Variants in ZBTB20 observed in about 807,000 individuals in gnomAD.
ZBTB20 encodes the protein zinc finger and BTB domain containing 20.
In ZBTB20, 9 loss-of-function variants were observed where a neutral mutation model predicts 56.9. That is an observed-to-expected ratio of 0.16 (90% CI 0.10 to 0.28). The LOEUF (loss-of-function observed/expected upper bound fraction) is 0.28, where lower values mean the gene tolerates loss of function less well. Ranked by LOEUF, ZBTB20 falls within the 10% of genes least tolerant of loss-of-function variation. The pLI is 1.00. For missense variants in ZBTB20, 655 were observed against 1,003.0 expected, an observed-to-expected ratio of 0.65 and a Z score of 4.69; for synonymous variants, 417 against 420.7, an observed-to-expected ratio of 0.99 and a Z score of 0.11.
intron 5 of ZBTB20, among the ~76,000 whole-genome samples, chr3:114,748,746 C>G (rs1293215212): frequency 6.6e-6 from 1 of 151,982 alleles, no homozygotes; most frequent in Non-Finnish European, 1.5e-5. Context: ...ATTAGATATC[C>G]CTATTCTGAT....
chr3:115,064,859 G>A (rs370678564), intron 2 of ZBTB20, among the ~76,000 whole-genome samples: 26 of 152,058 alleles, frequency 1.7e-4, no homozygotes, highest in African/African-American at 5.5e-4. Flanking sequence ...TATTTCTCTC[G>A]GGAACTTTCT....
chr3:115,052,596 G>T (rs1361823836), intron 2 of ZBTB20, among the ~76,000 whole-genome samples: 5 of 152,048 alleles, frequency 3.3e-5, no homozygotes, highest in Non-Finnish European at 7.4e-5. Context: ...TTAACTAAAA[G>T]ACAAATATCT....
intron 7 of ZBTB20, among the ~76,000 whole-genome samples, chr3:114,496,717 A>G (rs1018155971): frequency 5.9e-5 from 9 of 152,108 alleles, no homozygotes; most frequent in Admixed American, 2.6e-4. Context: ...AATTGTTTCA[A>G]CACCCGGCTG....
At chr3:114,905,768 C>G (rs1335782708) in intron 3 of ZBTB20, among the ~76,000 whole-genome samples, 1 of 151,844 alleles carries the variant, frequency 6.6e-6, no homozygotes, top group Non-Finnish European at 1.5e-5. Flanking sequence ...ATTTGAGTCT[C>G]AAATGTTAAC....
intron 1 of ZBTB20, among the ~76,000 whole-genome samples, chr3:115,104,163 G>A (rs1055823100): frequency 6.6e-6 from 1 of 152,178 alleles, no homozygotes; most frequent in Non-Finnish European, 1.5e-5. Context: ...CACCACACAT[G>A]TAATAGAATG....
At chr3:114,670,254 C>G (rs1264015476) in intron 6 of ZBTB20, among the ~76,000 whole-genome samples, 1 of 151,892 alleles carries the variant, frequency 6.6e-6, no homozygotes, top group Non-Finnish European at 1.5e-5. Flanking sequence ...GAGGGCTTCG[C>G]AAAAGTTGAC....
chr3:114,726,257 G>A (rs1385050373), intron 5 of ZBTB20, among the ~76,000 whole-genome samples: 3 of 151,970 alleles, frequency 2.0e-5, no homozygotes, highest in Admixed American at 6.6e-5. Flanking sequence ...ATGAATCGCA[G>A]GTCAAAGTTA....
chr3:114,881,137 A>G (rs2076384327), intron 4 of ZBTB20, among the ~76,000 whole-genome samples: 1 of 152,114 alleles, frequency 6.6e-6, no homozygotes, highest in Non-Finnish European at 1.5e-5. Flanking sequence ...TAAATATAAT[A>G]GATGTTAAAC....
At chr3:114,832,617 T>C (rs2073912857) in intron 4 of ZBTB20, among the ~76,000 whole-genome samples, 1 of 152,100 alleles carries the variant, frequency 6.6e-6, no homozygotes, top group South Asian at 2.1e-4. Flanking sequence ...TCCTTGTAAA[T>C]CTAAAAGCTA....
intron 6 of ZBTB20, among the ~76,000 whole-genome samples, chr3:114,649,346 T>A (rs1274261): frequency 0.33 from 50,740 of 151,792 alleles, 11,191 homozygotes; most frequent in African/African-American, 0.62. Flanking sequence ...TGAGAAGCTG[T>A]TTACACACAA....
At chr3:114,450,437 TTC>T (rs2091534744) in intron 7 of ZBTB20, among the ~76,000 whole-genome samples, 1 of 152,184 alleles carries the variant, frequency 6.6e-6, no homozygotes, top group Non-Finnish European at 1.5e-5. Flanking sequence ...CGAAAAATAG[TTC>T]TCTCTTCCCT....
chr3:114,751,183 A>G (rs1031899047), intron 5 of ZBTB20, among the ~76,000 whole-genome samples: 2 of 152,174 alleles, frequency 1.3e-5, no homozygotes, highest in Non-Finnish European at 2.9e-5. Flanking sequence ...TAGCCATTAT[A>G]CACAGGACTT....
chr3:114,825,178 G>C (rs2108933734), intron 4 of ZBTB20, among the ~76,000 whole-genome samples: 1 of 151,964 alleles, frequency 6.6e-6, no homozygotes, highest in South Asian at 2.1e-4. Flanking sequence ...TGTGTATTTT[G>C]AGACTTGCTT....
intron 2 of ZBTB20, among the ~76,000 whole-genome samples, chr3:114,984,720 A>G (rs983662114): frequency 6.6e-6 from 1 of 152,092 alleles, no homozygotes; most frequent in Non-Finnish European, 1.5e-5. Flanking sequence ...TCAGAAACAT[A>G]CATTTATGTT....
chr3:114,826,850 A>T (rs1447776100), intron 4 of ZBTB20, among the ~76,000 whole-genome samples: 1 of 151,648 alleles, frequency 6.6e-6, no homozygotes, highest in Non-Finnish European at 1.5e-5. Flanking sequence ...ACCATAAAAA[A>T]CCAAAAAACT....
Position 114,338,651 on chromosome 3 carries a change from A to ATTT in ZBTB20, c.*351_*353dup. On this transcript the variant is annotated 3_prime_UTR_variant, in exon 12 of 12. Transcript: ENST00000675478. ...TTTGTAGTGCTCTTCACAAGTGGAA[A>ATTT]TTTTTTTTTTTTTTTTACTTTTTTT... 1 of 154,372 alleles carries ATTT rather than the reference A, an allele frequency of 6.5e-6. No individual in the cohort carries two copies. 9.6% of individuals were successfully genotyped at this position (154,372 alleles called of 1,614,324 possible).
At position 114,507,025 on chromosome 3, in the gene ZBTB20, C is replaced by T. The variant is rs1471788398; in HGVS notation, c.-294-6634G>A. 2.6e-5 allele frequency among the ~76,000 whole-genome samples: 4 copies of T among 152,230 alleles called. No individual in the cohort carries two copies. The East Asian group carries it at 7.7e-4, about 29-fold the overall frequency. On this transcript the variant is annotated intron_variant, in intron 6 of 11. Transcript: ENST00000675478. ...CGTCTATTTTAGGAGACAGAGATGA[C>T]AGAAGAAAGTTGTTAAATCAGTAAA...
chr3:114,582,720 A>C (rs2054779904), intron 6 of ZBTB20, among the ~76,000 whole-genome samples: 1 of 152,170 alleles, frequency 6.6e-6, no homozygotes, highest in African/African-American at 2.4e-5. Context: ...TATAAGGCAA[A>C]CACCATAGAT....
chr3:114,663,022 C>T (rs1688913291), intron 6 of ZBTB20, among the ~76,000 whole-genome samples: 1 of 150,278 alleles, frequency 6.7e-6, no homozygotes, highest in South Asian at 2.1e-4. Flanking sequence ...CGTTCAGATT[C>T]AGGAAATACA....
Sources: allele counts gnomAD v4.1 joint callset (sites outside exome capture counted in the v4.1 genomes callset), GRCh38; gene constraint gnomAD v4.1.1; transcripts MANE v1.5; gene names NCBI Gene and HGNC (gene_info 2026-07-23, HGNC 2026-07-21).